Variants in SRPK1 observed in about 807,000 individuals in gnomAD.
SRPK1 encodes the protein SRSF protein kinase 1.
SRPK1 carries 52 observed loss-of-function variants against 89.5 expected under a neutral mutation model. That is an observed-to-expected ratio of 0.58 (90% CI 0.46 to 0.73). The LOEUF (loss-of-function observed/expected upper bound fraction) is 0.73. Ranked by LOEUF, SRPK1 falls within the 30% of genes least tolerant of loss-of-function variation. The pLI, the probability that SRPK1 is intolerant of heterozygous loss-of-function variation, is 0.00. For synonymous variants in SRPK1, 255 were observed against 270.2 expected (o/e 0.94, Z 0.55); for missense variants, 603 against 780.6 (o/e 0.77, Z 2.71).
intron 13 of SRPK1, among the ~76,000 whole-genome samples, chr6:35,849,445 T>TA (rs1487199039): frequency 2.0e-5 from 3 of 152,178 alleles, no homozygotes; most frequent in African/African-American, 7.2e-5. Context: ...TTTAAAAATC[T>TA]AAAAATAGAG....
At chr6:35,882,895 G>A (rs1032602261) in intron 6 of SRPK1, among the ~76,000 whole-genome samples, 13 of 151,806 alleles carry the variant, frequency 8.6e-5, no homozygotes, top group Non-Finnish European at 1.3e-4. Flanking sequence ...TGCAACCTCC[G>A]CCTCCCAGGT....
chr6:35,893,474 G>A (rs2127259380), intron 2 of SRPK1, among the ~76,000 whole-genome samples: 1 of 136,454 alleles, frequency 7.3e-6, no homozygotes, highest in Non-Finnish European at 1.6e-5. Flanking sequence ...GACAGAGCAA[G>A]ACCTTGTCTC....
At chr6:35,909,864 C>T (rs1210618165) in intron 2 of SRPK1, among the ~76,000 whole-genome samples, 7 of 152,208 alleles carry the variant, frequency 4.6e-5, no homozygotes, top group Non-Finnish European at 1.0e-4. Context: ...GGCCTCCCAG[C>T]CATGCTTCCT....
intron 5 of SRPK1, among the ~76,000 whole-genome samples, chr6:35,887,222 TGGGTA>T (rs1396975444): frequency 6.6e-6 from 1 of 152,198 alleles, no homozygotes; most frequent in Admixed American, 6.5e-5. Context: ...GATTTACTTT[TGGGTA>T]GGTACAAGGC....
At chr6:35,853,014 AT>A (rs1769587368) in intron 13 of SRPK1, among the ~76,000 whole-genome samples, 1 of 152,170 alleles carries the variant, frequency 6.6e-6, no homozygotes, top group Non-Finnish European at 1.5e-5. Flanking sequence ...CTGAGGTAGG[AT>A]GATCGTTTGA....
At chr6:35,878,546 T>C (rs1204840075) in intron 6 of SRPK1, among the ~76,000 whole-genome samples, 1 of 152,162 alleles carries the variant, frequency 6.6e-6, no homozygotes, top group East Asian at 1.9e-4. Context: ...TTTCAGCTCT[T>C]AGCACAGTGG....
chr6:35,846,895 C>T (rs1419655601), intron 13 of SRPK1, among the ~76,000 whole-genome samples: 2 of 152,124 alleles, frequency 1.3e-5, no homozygotes, highest in East Asian at 1.9e-4. Flanking sequence ...CAAAAAAAGA[C>T]AAAAACCATA....
At chr6:35,920,902 G>T (rs1408638797) in intron 1 of SRPK1, 142 bp downstream of exon 1, 6 of 863,482 alleles carry the variant, frequency 6.9e-6, no homozygotes, top group Non-Finnish European at 1.0e-5. Flanking sequence ...GAGGCAGGGG[G>T]TGTGGGGCGG....
At chr6:35,871,041 G>T in intron 8 of SRPK1, 82 bp from the exon 9 acceptor site, 1 of 1,171,534 alleles carries the variant, frequency 8.5e-7, no homozygotes, top group Non-Finnish European at 1.2e-6. Flanking sequence ...CACTCTACCA[G>T]AATGAAAAGT....
chr6:35,847,239 C>T (rs1164402322), intron 13 of SRPK1, among the ~76,000 whole-genome samples: 1 of 152,196 alleles, frequency 6.6e-6, no homozygotes, highest in African/African-American at 2.4e-5. Flanking sequence ...TGGAGTCTTG[C>T]TCTGTCATCC....
intron 6 of SRPK1, among the ~76,000 whole-genome samples, chr6:35,882,816 T>C (rs529132525): frequency 4.0e-5 from 6 of 151,858 alleles, no homozygotes; most frequent in Admixed American, 6.6e-5. Flanking sequence ...AGAAAAAAAA[T>C]TTCCCCACCC....
At chr6:35,880,859 A>T (rs1318146368) in intron 6 of SRPK1, among the ~76,000 whole-genome samples, 1 of 151,310 alleles carries the variant, frequency 6.6e-6, no homozygotes, top group South Asian at 2.1e-4. Flanking sequence ...CTCAATGAGC[A>T]TCAAGCAAGA....
intron 2 of SRPK1, among the ~76,000 whole-genome samples, chr6:35,900,473 G>A (rs1270868919): frequency 6.6e-6 from 1 of 152,146 alleles, no homozygotes; most frequent in Non-Finnish European, 1.5e-5. Flanking sequence ...CAAGTATAGG[G>A]TCCCTGCCTT....
intron 12 of SRPK1, among the ~76,000 whole-genome samples, chr6:35,861,043 G>A (rs1260589526): frequency 6.6e-6 from 1 of 152,158 alleles, no homozygotes; most frequent in East Asian, 1.9e-4. Context: ...GCGAATATAT[G>A]ACTTGACTTA....
intron 14 of SRPK1, chr6:35,838,676 G>T: frequency 6.7e-7 from 1 of 1,497,288 alleles, no homozygotes; most frequent in Non-Finnish European, 9.0e-7. Flanking sequence ...GCTTCCTGAA[G>T]TATCCCTGGG....
At chr6:35,898,680 C>A (rs1006535343) in intron 2 of SRPK1, among the ~76,000 whole-genome samples, 1 of 151,958 alleles carries the variant, frequency 6.6e-6, no homozygotes, top group Non-Finnish European at 1.5e-5. Context: ...GGCAGTGAGC[C>A]GAGATCATGA....
At chr6:35,920,567 GA>G in intron 1 of SRPK1, 39 bp from the exon 2 acceptor site, 1 of 1,602,122 alleles carries the variant, frequency 6.2e-7, no homozygotes, top group East Asian at 2.3e-5. Context: ...GAATGTGGAG[GA>G]AAGGAGGCGA....
chr6:35,920,943 C>T, intron 1 of SRPK1, 101 bp downstream of exon 1: 5 of 1,388,606 alleles, frequency 3.6e-6, no homozygotes, highest in Non-Finnish European at 4.9e-6. Context: ...GCCGCACGTC[C>T]GGGAACCGAA....
chr6:35,892,410 G>A (rs1299324257), intron 2 of SRPK1, among the ~76,000 whole-genome samples: 1 of 152,098 alleles, frequency 6.6e-6, no homozygotes, highest in Non-Finnish European at 1.5e-5. Context: ...CCAGCACTTT[G>A]GGAAGCTGAG....
Sources: allele counts gnomAD v4.1 joint callset (sites outside exome capture counted in the v4.1 genomes callset), GRCh38; gene constraint gnomAD v4.1.1; transcripts MANE v1.5; gene names NCBI Gene and HGNC (gene_info 2026-07-23, HGNC 2026-07-21).